Variants in TRA2B observed in about 807,000 individuals in gnomAD.
TRA2B encodes the protein transformer-2 protein homolog beta.
Under a neutral mutation model 41.7 loss-of-function variants are expected in TRA2B, and 14 were observed. That is an observed-to-expected ratio of 0.34 (90% CI 0.22 to 0.53). The LOEUF (loss-of-function observed/expected upper bound fraction) is 0.53, where lower values mean the gene tolerates loss of function less well. Ranked by LOEUF, TRA2B falls within the 20% of genes least tolerant of loss-of-function variation. The pLI is 0.95. For missense variants in TRA2B, 167 were observed against 396.8 expected, an observed-to-expected ratio of 0.42 and a Z score of 4.92; for synonymous variants, 130 against 128.8, an observed-to-expected ratio of 1.01 and a Z score of -0.06.
Position 185,921,151 on chromosome 3 carries a change from T to C in TRA2B, c.675A>G (p.Gly225=). 6.2e-7 allele frequency: 1 copy of C among 1,614,092 alleles called. No homozygotes were observed. Among genetic ancestry groups the C allele is most frequent in the Non-Finnish European group, 8.5e-7 (1 of 1,180,028 alleles). The change falls in exon 6 of 9, where the codon GGA becomes GGG. Residue 225 remains glycine (G), a synonymous_variant. Coordinates refer to ENST00000453386, the MANE Select transcript of TRA2B (RefSeq NM_004593.3). ...SSRRRDYYDR[G]YDRGYDDRDY... Reference sequence around the variant, plus strand: ...CCCGATCATCATAGCCCCGATCATATCCTCTGTCATAGTAATCCCGACGGC... The same window carrying C: ...CCCGATCATCATAGCCCCGATCATACCCTCTGTCATAGTAATCCCGACGGC...
rs544733375 is a variant in TRA2B, at chr3:185,930,917, G to T, written c.37-4183C>A. On this transcript the variant is annotated intron_variant, in intron 1 of 8. Coordinates refer to ENST00000453386, the MANE Select transcript of TRA2B (RefSeq NM_004593.3). ...CCCACCTCTTCTAAGGGGAAGCTAC[G>T]GTATTTTATCAGTAATCCTAGTCAA... 2.0e-5 allele frequency among the ~76,000 whole-genome samples: 3 copies of T among 152,100 alleles called. No individual in the cohort carries two copies. In the South Asian group the frequency reaches 6.2e-4, roughly 32 times the overall value.
In TRA2B at chr3:185,918,430, G is replaced by A; in HGVS notation, c.791C>T (p.Ser264Leu). The change falls in exon 8 of 9, where the codon TCA becomes TTA. Residue 264 changes from serine (S) to leucine (L), a missense_variant. This residue lies in a region of TRA2B where 30 missense variants were observed against 46.7 expected (regional missense o/e 0.64). Coordinates refer to ENST00000453386, the MANE Select transcript of TRA2B (RefSeq NM_004593.3). ...TCCACGACTATAGTAAGGAGAAGGT[G>A]ACCGCCTTCTATAAACAAATGTCAA... ...QDRDQIYRRR[S>L]PSPYYSRGGY... is the part of the protein sequence containing the mutation. The A allele has an allele frequency of 6.2e-7, 1 of 1,612,528 alleles. No individual in the cohort carries two copies. The highest frequency in any genetic ancestry group is 8.5e-7 in the Non-Finnish European group (1 of 1,178,830).
At chr3:185,918,695 T>C (rs755735807) in intron 7 of TRA2B, among the ~76,000 whole-genome samples, 7 of 152,190 alleles carry the variant, frequency 4.6e-5, no homozygotes, top group Non-Finnish European at 8.8e-5. Context: ...TTGTGAACTA[T>C]GTTAAGAGAG....
chr3:185,937,143 G>C, intron 1 of TRA2B: 1 of 985,490 alleles, frequency 1.0e-6, no homozygotes, highest in Non-Finnish European at 1.2e-6. Context: ...TTCGGCATCA[G>C]AGAAAAGCGC....
chr3:185,931,472 C>A, intron 1 of TRA2B: 1 of 833,978 alleles, frequency 1.2e-6, no homozygotes, highest in Non-Finnish European at 1.5e-6. Context: ...AAACGTTTCC[C>A]CTGGAAGGCA....
rs191276799 is a variant in TRA2B at position 185,915,516 on chromosome 3, T to C, written c.*2199A>G. On this transcript the variant is annotated 3_prime_UTR_variant, in exon 9 of 9. Coordinates refer to ENST00000453386, the MANE Select transcript of TRA2B (RefSeq NM_004593.3). ...CTTTCATGAAACTGGCGACTAGCAT[T>C]ACAGCACATCAAAAGACTACCACTT... 4.7e-4 allele frequency among the ~76,000 whole-genome samples: 71 copies of C among 152,274 alleles called. No homozygotes were observed. Among genetic ancestry groups the C allele is most frequent in the Non-Finnish European group, 9.4e-4 (64 of 68,018 alleles).
Position 185,923,930 on chromosome 3 carries a change from T to C in TRA2B, c.388A>G (p.Thr130Ala). ...LGVFGLSLYT[T>A]ERDLREVFSK... Reference sequence around the variant, plus strand: ...AACACTTCTCTTAGATCTCTTTCTGTGGTGTACAAGCTCAGCCCAAATACT... The same window carrying C: ...AACACTTCTCTTAGATCTCTTTCTGCGGTGTACAAGCTCAGCCCAAATACT... The change falls in exon 4 of 9, where the codon ACA becomes GCA. Residue 130 changes from threonine to alanine, a missense_variant. Physicochemically the swap from Thr to Ala is moderately conservative, Grantham distance 58. This residue lies in a region of TRA2B where 20 missense variants were observed against 159.6 expected (regional missense o/e 0.13). Coordinates refer to ENST00000453386, the MANE Select transcript of TRA2B (RefSeq NM_004593.3). 1 of 1,614,018 alleles carries C rather than the reference T, an allele frequency of 6.2e-7. No individual in the cohort carries two copies. The highest frequency in any genetic ancestry group is 8.5e-7 in the Non-Finnish European group (1 of 1,179,986).
intron 1 of TRA2B, chr3:185,935,762 T>C (rs909655684): frequency 7.1e-6 from 7 of 985,318 alleles, no homozygotes; most frequent in Non-Finnish European, 8.4e-6. Context: ...AGACACGTGT[T>C]TGATTCAGGT....
At chr3:185,935,346 G>A in intron 1 of TRA2B, 7 of 985,136 alleles carry the variant, frequency 7.1e-6, no homozygotes, top group Non-Finnish European at 7.2e-6. Flanking sequence ...CCTTTGAGAG[G>A]GGGGAAAAAA....
chr3:185,927,718 C>T (rs1044644611), intron 1 of TRA2B: 22 of 152,102 alleles, frequency 1.4e-4, no homozygotes, highest in African/African-American at 5.3e-4. Flanking sequence ...GAATGGTAAC[C>T]AGGATAACTA....
intron 1 of TRA2B, chr3:185,937,261 C>G (rs997221446): frequency 9.1e-6 from 9 of 986,360 alleles, no homozygotes; most frequent in Non-Finnish European, 1.1e-5. Flanking sequence ...CAAAGACATC[C>G]CAGACTCCGT....
At chr3:185,936,852 C>G (rs1744379909) in intron 1 of TRA2B, 1 of 985,292 alleles carries the variant, frequency 1.0e-6, no homozygotes, top group African/African-American at 1.7e-5. Context: ...GCTACGTATG[C>G]TGTTTAAACC....
At chr3:185,934,332 A>C (rs1434529805) in intron 1 of TRA2B, 1 of 985,272 alleles carries the variant, frequency 1.0e-6, no homozygotes, top group Non-Finnish European at 1.2e-6. Flanking sequence ...TATTGTAGAG[A>C]AAGGAGGAAA....
intron 1 of TRA2B, chr3:185,936,233 C>T: frequency 1.0e-6 from 1 of 985,366 alleles, no homozygotes; most frequent in South Asian, 4.7e-5. Context: ...TTTAAAATCG[C>T]TTACTTTGCA....
At chr3:185,935,939 C>G (rs1418302443) in intron 1 of TRA2B, 1 of 985,280 alleles carries the variant, frequency 1.0e-6, no homozygotes, top group African/African-American at 1.7e-5. Flanking sequence ...TAACCTCCCT[C>G]TACAATTCAA....
chr3:185,936,421 T>G, intron 1 of TRA2B: 1 of 985,312 alleles, frequency 1.0e-6, no homozygotes, highest in Non-Finnish European at 1.2e-6. Context: ...CATCAAAAAC[T>G]AAAAACTCTA....
At chr3:185,937,450 C>T (rs1744407997) in intron 1 of TRA2B, 11 of 1,044,292 alleles carry the variant, frequency 1.1e-5, no homozygotes, top group Non-Finnish European at 1.3e-5. Context: ...GCAGCTCGCC[C>T]AGCCCGCCAG....
chr3:185,937,800 C>T (rs201617482), intron 1 of TRA2B, 25 bp downstream of exon 1: 54 of 1,614,046 alleles, frequency 3.3e-5, no homozygotes, highest in Non-Finnish European at 4.2e-5. Flanking sequence ...ACCACACAGC[C>T]ACCCCCTACC....
rs543982081 is a variant in TRA2B, at chr3:185,915,413, T to C, written c.*2302A>G. On this transcript the variant is annotated 3_prime_UTR_variant, in exon 9 of 9. Coordinates refer to ENST00000453386, the MANE Select transcript of TRA2B (RefSeq NM_004593.3). ...GTAACTTTAAGACTCAAATTTATCCTTTCCCATGGCTTTTGTCTGATTCAG... is the reference window on the plus strand; with the variant it reads ...GTAACTTTAAGACTCAAATTTATCCCTTCCCATGGCTTTTGTCTGATTCAG... Among the ~76,000 whole-genome samples, 13 of 152,330 alleles carry C rather than the reference T, an allele frequency of 8.5e-5. No homozygotes were observed. The South Asian group carries it at 2.7e-3, about 32-fold the overall frequency.
Sources: gnomAD v4.1 joint callset for allele counts (sites outside exome capture counted in the v4.1 genomes callset) on GRCh38, gnomAD v4.1.1 for gene constraint, gnomAD v4.1.1 regional missense constraint, MANE v1.5 for transcripts, NCBI Gene and HGNC (gene_info 2026-07-23, HGNC 2026-07-21) for gene names.